ATP2B4: variants seen among roughly 807,000 people sequenced by gnomAD.
The protein encoded by ATP2B4 is plasma membrane calcium-transporting ATPase 4.
A neutral mutation model predicts 110.3 loss-of-function variants in ATP2B4; 39 were observed. That is an observed-to-expected ratio of 0.35 (90% confidence interval 0.27 to 0.46). ATP2B4 has a LOEUF of 0.46. ATP2B4 is among the 20% of genes least tolerant of loss of function. The pLI is 1.00. For synonymous variants in ATP2B4, 538 were observed against 571.7 expected, an observed-to-expected ratio of 0.94 and a Z score of 0.84; for missense variants, 1,135 against 1,530.9, an observed-to-expected ratio of 0.74 and a Z score of 4.32.
intron 8 of ATP2B4, 121 bp downstream of exon 8, chr1:203,703,934 A>G (rs924585014): frequency 1.5e-5 from 19 of 1,288,802 alleles, no homozygotes; most frequent in Non-Finnish European, 2.0e-5. Flanking sequence ...CAGGGTGGCT[A>G]GTTGGGGCTA....
At chr1:203,668,754 G>A (rs994048392) in intron 1 of ATP2B4, among the ~76,000 whole-genome samples, 1 of 152,210 alleles carries the variant, frequency 6.6e-6, no homozygotes, top group African/African-American at 2.4e-5. Flanking sequence ...CACTGTGTGA[G>A]CCACTGTGGA....
chr1:203,671,622 C>T (rs956371206), intron 1 of ATP2B4, among the ~76,000 whole-genome samples: 5 of 152,188 alleles, frequency 3.3e-5, no homozygotes, highest in Admixed American at 6.5e-5. Context: ...ACCTTTCCCA[C>T]GTCTCTGGTG....
At chr1:203,727,781 C>A in intron 20 of ATP2B4, 1 of 587,848 alleles carries the variant, frequency 1.7e-6, no homozygotes, top group Non-Finnish European at 3.0e-6. Context: ...TGACCTAGAC[C>A]ATGGGACACT....
chr1:203,673,982 G>C (rs995468038), intron 1 of ATP2B4, among the ~76,000 whole-genome samples: 1 of 152,140 alleles, frequency 6.6e-6, no homozygotes, highest in East Asian at 1.9e-4. Context: ...AAGCCCCTTT[G>C]TTCCCTTGAA....
Position 203,722,804 on chromosome 1 carries a change from GCTGTAAGTTGAACA to G in ATP2B4, c.3024+118_3024+131del, listed in dbSNP as rs1666377587. Reference sequence around the variant, plus strand: ...GAATGAAGGAATTACGGGGACTGGAGCTGTAAGTTGAACACTTTGGGATTCCCAATCTGCTTTCT... The same window carrying G: ...GAATGAAGGAATTACGGGGACTGGAGCTTTGGGATTCCCAATCTGCTTTCT... On this transcript the variant is annotated intron_variant, in intron 18 of 20. Transcript: ENST00000357681. 5.1e-6 allele frequency: 5 copies of G among 971,698 alleles called. No individual in the cohort carries two copies. In the Admixed American group the frequency reaches 1.1e-4, roughly 21 times the overall value. The allele number at this position is 971,698 out of a possible 1,614,324, so 60.2% of individuals were successfully genotyped here.
intron 1 of ATP2B4, among the ~76,000 whole-genome samples, chr1:203,679,999 T>G (rs1664950837): frequency 6.7e-6 from 1 of 149,336 alleles, no homozygotes; most frequent in Non-Finnish European, 1.5e-5. Flanking sequence ...AGGCGGAGGT[T>G]GCAGTGAGCC....
chr1:203,714,625 G>A (rs1285750376), intron 15 of ATP2B4, among the ~76,000 whole-genome samples: 3 of 152,150 alleles, frequency 2.0e-5, no homozygotes, highest in East Asian at 3.9e-4. Flanking sequence ...TGGGTATTCC[G>A]CTTTTCACTT....
At chr1:203,680,605 T>C (rs1467248215) in intron 1 of ATP2B4, among the ~76,000 whole-genome samples, 1 of 15,392 alleles carries the variant, frequency 6.5e-5, no homozygotes, top group South Asian at 2.0e-3. Flanking sequence ...TGAGACTCCG[T>C]CTCAAAAAAA....
chr1:203,655,725 T>C (rs1173425615), intron 1 of ATP2B4, among the ~76,000 whole-genome samples: 2 of 152,048 alleles, frequency 1.3e-5, no homozygotes, highest in African/African-American at 4.8e-5. Context: ...CATCATATGT[T>C]ATAGAGAAGT....
chr1:203,682,283 G>A (rs1447075496), intron 1 of ATP2B4, among the ~76,000 whole-genome samples: 8 of 152,084 alleles, frequency 5.3e-5, no homozygotes, highest in African/African-American at 1.4e-4. Context: ...GGAGAGGAAG[G>A]CAGACTGACA....
intron 7 of ATP2B4, 102 bp from the exon 8 acceptor site, chr1:203,703,550 T>C: frequency 7.4e-7 from 1 of 1,358,824 alleles, no homozygotes. Context: ...GTCCAAGGTA[T>C]ATTCCGGGAA....
At chr1:203,633,698 C>T (rs575396991) in intron 1 of ATP2B4, among the ~76,000 whole-genome samples, 29 of 127,392 alleles carry the variant, frequency 2.3e-4, no homozygotes, top group African/African-American at 6.4e-4. Flanking sequence ...GGAGACAGAG[C>T]GAGACTCCAT....
At position 203,652,973 on chromosome 1, in the gene ATP2B4, T is replaced by C. The variant is rs141747822; in HGVS notation, c.-465+25754T>C. On this transcript the variant is annotated intron_variant, in intron 1 of 20. Transcript: ENST00000357681. Reference sequence around the variant, plus strand: ...CTCACTAGAAATCAAAAGCTAGAAATGATTAGGCCTACTGAGGAAGTCGTG... The same window carrying C: ...CTCACTAGAAATCAAAAGCTAGAAACGATTAGGCCTACTGAGGAAGTCGTG... 3.6e-3 allele frequency among the ~76,000 whole-genome samples: 554 copies of C among 152,284 alleles called. 3 individuals are homozygous for C. The highest frequency in any genetic ancestry group is 0.013 in the African/African-American group (528 of 41,556).
chr1:203,674,661 TTTTTTTTTTTTC>T, intron 1 of ATP2B4, among the ~76,000 whole-genome samples: 1 of 126,842 alleles, frequency 7.9e-6, no homozygotes, highest in African/African-American at 3.1e-5. Flanking sequence ...TTTTTTTTTT[TTTTTTTTTTTTC>T]TGAGATGGGG....
At position 203,709,444 on chromosome 1, in the gene ATP2B4, C is replaced by T. The variant is rs769613115; in HGVS notation, c.1701C>T (p.Thr567=). The T allele has an allele frequency of 6.2e-7, 1 of 1,614,062 alleles. No individual in the cohort carries two copies. Among genetic ancestry groups the T allele is most frequent in the Non-Finnish European group, 8.5e-7 (1 of 1,180,052 alleles). Residue 567 remains threonine, a synonymous_variant, in exon 11 of 21, where the codon ACC becomes ACT. Coordinates refer to ENST00000357681, the MANE Select transcript of ATP2B4 (RefSeq NM_001684.5). ...VPEEKLYKVY[T]FNSVRKSMST... ...AGGAGAAGCTCTACAAGGTGTACAC[C>T]TTTAACTCAGTGCGCAAGTCAATGA...
At chr1:203,726,668 C>T (rs1666529601) in intron 19 of ATP2B4, among the ~76,000 whole-genome samples, 1 of 152,130 alleles carries the variant, frequency 6.6e-6, no homozygotes, top group African/African-American at 2.4e-5. Flanking sequence ...CATACAGTCC[C>T]TCTTCCCCAC....
intron 7 of ATP2B4, 49 bp downstream of exon 7, chr1:203,702,128 A>G (rs758587414): frequency 6.2e-7 from 1 of 1,603,636 alleles, no homozygotes; most frequent in South Asian, 1.1e-5. Context: ...CCACACTCAA[A>G]CCAGACCTTT....
At chr1:203,731,763 T>C (rs950707211) in intron 20 of ATP2B4, among the ~76,000 whole-genome samples, 1 of 144,682 alleles carries the variant, frequency 6.9e-6, no homozygotes, top group Admixed American at 7.2e-5. Context: ...GGCAGGAGAA[T>C]GGCTTGAACC....
intron 20 of ATP2B4, chr1:203,733,477 C>A: frequency 1.5e-6 from 2 of 1,351,774 alleles, no homozygotes; most frequent in Non-Finnish European, 2.0e-6. Context: ...TTTAACCAAC[C>A]ATGGTTATCT....
Sources: gnomAD v4.1 joint callset for allele counts (sites outside exome capture counted in the v4.1 genomes callset) on GRCh38, gnomAD v4.1.1 for gene constraint, MANE v1.5 for transcripts, NCBI Gene and HGNC (gene_info 2026-07-23, HGNC 2026-07-21) for gene names.